The following HMCN1 variants were observed in gnomAD, a reference collection of about 807,000 sequenced individuals.
HMCN1 encodes the protein hemicentin-1.
In HMCN1, 321 loss-of-function variants were observed where a neutral mutation model predicts 625.9. That is an observed-to-expected ratio of 0.51 (90% confidence interval 0.47 to 0.56). HMCN1 has a LOEUF of 0.56. HMCN1 is among the 20% of genes least tolerant of loss of function. The probability of loss-of-function intolerance (pLI) is 0.00; values close to 1 mark genes in which losing one functional copy is unlikely to be tolerated. For missense variants in HMCN1, 6,588 were observed against 6,887.3 expected (o/e 0.96, Z 1.54); for synonymous variants, 2,425 against 2,417.6 (o/e 1.00, Z -0.09).
intron 15 of HMCN1, among the ~76,000 whole-genome samples, chr1:185,973,608 G>A (rs1340080285): frequency 6.6e-6 from 1 of 151,558 alleles, no homozygotes; most frequent in Admixed American, 6.6e-5. Flanking sequence ...ATTATGAAAA[G>A]GCTATTTAAT....
chr1:186,099,309 AAG>A (rs1402364151), intron 68 of HMCN1, among the ~76,000 whole-genome samples: 1 of 152,098 alleles, frequency 6.6e-6, no homozygotes, highest in South Asian at 2.1e-4. Flanking sequence ...TGAGAGAAAA[AAG>A]AAAAACTGTG....
chr1:185,937,416 T>C (rs922663310), intron 11 of HMCN1, among the ~76,000 whole-genome samples: 7 of 152,124 alleles, frequency 4.6e-5, no homozygotes, highest in Non-Finnish European at 1.0e-4. Context: ...TCCTGTGAGC[T>C]TTTTTTATAA....
intron 1 of HMCN1, among the ~76,000 whole-genome samples, chr1:185,749,910 C>T (rs1654680243): frequency 1.3e-5 from 2 of 152,196 alleles, no homozygotes; most frequent in South Asian, 4.1e-4. Context: ...CTTGCAGTTC[C>T]CTCTTTCCTC....
rs144374625 is a variant in HMCN1, at chr1:186,164,752, T to C, written c.15257-359T>C. On this transcript the variant is annotated intron_variant, in intron 97 of 106. Transcript: ENST00000271588. Reference sequence around the variant, plus strand: ...GTTGCTTGAAAACAGCATTTCTCATTTTAGAGTAAAACCGGATAGCAATGG... The same window carrying C: ...GTTGCTTGAAAACAGCATTTCTCATCTTAGAGTAAAACCGGATAGCAATGG... 9.8e-5 allele frequency among the ~76,000 whole-genome samples: 15 copies of C among 152,332 alleles called. No homozygotes were observed. In the East Asian group the frequency reaches 2.9e-3, roughly 29 times the overall value.
Position 186,056,571 on chromosome 1 carries a change from A to G in HMCN1, c.7145-663A>G, listed in dbSNP as rs1657334706. Reference sequence around the variant, plus strand: ...ACATATGCACCATGGAATACTACACAGCCAAAACTCATGTCCTTTGCAGCA... The same window carrying G: ...ACATATGCACCATGGAATACTACACGGCCAAAACTCATGTCCTTTGCAGCA... On this transcript the variant is annotated intron_variant, in intron 45 of 106. Transcript: ENST00000271588. Among the ~76,000 whole-genome samples the G allele has an allele frequency of 2.0e-5, 3 of 152,144 alleles. No homozygotes were observed. The South Asian group carries it at 6.2e-4, about 31-fold the overall frequency.
intron 52 of HMCN1, among the ~76,000 whole-genome samples, chr1:186,072,374 G>A (rs1405187415): frequency 1.3e-5 from 2 of 152,054 alleles, no homozygotes; most frequent in East Asian, 3.8e-4. Context: ...TTTTATATAA[G>A]TGATACAATG....
At chr1:185,865,628 C>T (rs1293674277) in intron 3 of HMCN1, 113 bp from the exon 4 acceptor site, 5 of 689,138 alleles carry the variant, frequency 7.3e-6, no homozygotes, top group East Asian at 5.9e-5. Context: ...CACACACACA[C>T]ACATTCACAT....
chr1:186,065,076 T>G (rs1387453000), intron 48 of HMCN1, among the ~76,000 whole-genome samples, 162 bp from the exon 49 acceptor site: 1 of 152,202 alleles, frequency 6.6e-6, no homozygotes, highest in Non-Finnish European at 1.5e-5. Flanking sequence ...ATTATTATTA[T>G]AAAATAAGTT....
intron 36 of HMCN1, among the ~76,000 whole-genome samples, chr1:186,033,591 T>A (rs1241058342): frequency 1.5e-5 from 2 of 131,044 alleles, no homozygotes; most frequent in Admixed American, 1.7e-4. Context: ...TTTATTGTTG[T>A]ATTGTTATTT....
intron 13 of HMCN1, among the ~76,000 whole-genome samples, chr1:185,964,959 T>C (rs914988748): frequency 6.6e-6 from 1 of 152,072 alleles, no homozygotes; most frequent in Non-Finnish European, 1.5e-5. Flanking sequence ...AAAAAAAAGC[T>C]ATGCACCCAT....
In HMCN1 at chr1:185,997,354, G is replaced by T. The variant is rs1652862234; in HGVS notation, c.3779-75G>T. On this transcript the variant is annotated intron_variant, in intron 24 of 106. Coordinates refer to ENST00000271588, the MANE Select transcript of HMCN1 (RefSeq NM_031935.3). ...CAGAGATAGCAACTCATCAGTGCAGGTAGTTAATTGTGCCTTAGGAGAGTT... is the reference window on the plus strand; with the variant it reads ...CAGAGATAGCAACTCATCAGTGCAGTTAGTTAATTGTGCCTTAGGAGAGTT... 3 of 851,048 alleles carry T rather than the reference G, an allele frequency of 3.5e-6. No homozygotes were observed. The African/African-American group carries it at 5.0e-5, about 14-fold the overall frequency. The allele number at this position is 851,048 out of a possible 1,614,324, so 52.7% of individuals were successfully genotyped here. A position where few individuals can be genotyped will look rare whatever the true frequency, so the allele number is the denominator to read the frequency against.
intron 68 of HMCN1, among the ~76,000 whole-genome samples, chr1:186,097,896 A>G (rs1035527592): frequency 6.6e-6 from 1 of 152,186 alleles, no homozygotes; most frequent in Admixed American, 6.5e-5. Context: ...AAATAAATTC[A>G]TGCATCTACA....
chr1:186,145,887 A>G lies in HMCN1; in HGVS notation c.14572A>G (p.Thr4858Ala). 1 of 1,614,006 alleles carries G rather than the reference A, an allele frequency of 6.2e-7. No homozygotes were observed. The highest frequency in any genetic ancestry group is 2.2e-5 in the East Asian group (1 of 44,854). Residue 4858 changes from threonine to alanine, a missense_variant, in exon 93 of 107, where the codon ACT becomes GCT. Thr to Ala is a moderately conservative substitution (Grantham distance 58). Transcript: ENST00000271588. Reference protein sequence around the residue: ...KGGRPCPGDTTQVTRCNVQAC... With the variant: ...KGGRPCPGDTAQVTRCNVQAC... ...TGGCCGTCCCTGTCCCGGAGACACT[A>G]CTCAGGTGACCAGGTGCAATGTACA...
intron 57 of HMCN1, among the ~76,000 whole-genome samples, chr1:186,085,570 G>A (rs1265931472): frequency 6.6e-6 from 1 of 151,904 alleles, no homozygotes; most frequent in Non-Finnish European, 1.5e-5. Context: ...GAATTTGCGG[G>A]GACAGAAACA....
chr1:186,169,374 G>C (rs749476618), intron 100 of HMCN1, among the ~76,000 whole-genome samples: 1 of 152,142 alleles, frequency 6.6e-6, no homozygotes, highest in Non-Finnish European at 1.5e-5. Flanking sequence ...AAAAGAGCCC[G>C]TATAGCCAAG....
In HMCN1 at chr1:186,128,062, CTTTT is replaced by C. The variant is rs751950084; in HGVS notation, c.12691-12_12691-9del. 1.1e-4 allele frequency: 177 copies of C among 1,608,960 alleles called. No homozygotes were observed. The African/African-American group carries it at 2.3e-3, about 21-fold the overall frequency. On this transcript the variant is annotated splice_polypyrimidine_tract_variant and intron_variant, in intron 82 of 106. Coordinates refer to ENST00000271588, the MANE Select transcript of HMCN1 (RefSeq NM_031935.3). ...GATGATTATGAAATTTTAAATGTTA[CTTTT>C]TTTAATTTTAGCTGGAGGATTCTGG...
chr1:185,820,251 G>C (rs935616022), intron 1 of HMCN1, among the ~76,000 whole-genome samples: 1 of 152,098 alleles, frequency 6.6e-6, no homozygotes, highest in Non-Finnish European at 1.5e-5. Flanking sequence ...ATCCCAAATA[G>C]ATTAGCCTTT....
At chr1:185,797,497 C>T (rs935641378) in intron 1 of HMCN1, among the ~76,000 whole-genome samples, 2 of 152,114 alleles carry the variant, frequency 1.3e-5, no homozygotes, top group East Asian at 1.9e-4. Flanking sequence ...TGTAGAGATG[C>T]AGTCTCACTA....
chr1:186,152,962 TG>T, intron 96 of HMCN1, 91 bp downstream of exon 96: 1 of 1,517,434 alleles, frequency 6.6e-7, no homozygotes, highest in Non-Finnish European at 9.1e-7. Flanking sequence ...TTGTTCACTC[TG>T]TGGGGGAAAA....
Sources: allele counts gnomAD v4.1 joint callset (sites outside exome capture counted in the v4.1 genomes callset), GRCh38; gene constraint gnomAD v4.1.1; transcripts MANE v1.5; gene names NCBI Gene and HGNC (gene_info 2026-07-23, HGNC 2026-07-21).